The following FLI1 variants were observed in gnomAD, a reference collection of about 807,000 sequenced individuals.
The protein encoded by FLI1 is Friend leukemia integration 1 transcription factor.
FLI1 carries 13 observed loss-of-function variants against 53.1 expected under a neutral mutation model. That is an observed-to-expected ratio of 0.24 (90% CI 0.16 to 0.39). The LOEUF is 0.39. Ranked by LOEUF, FLI1 falls within the 10% of genes least tolerant of loss-of-function variation. The probability of loss-of-function intolerance (pLI) is 1.00; values close to 1 mark genes in which losing one functional copy is unlikely to be tolerated. For missense variants in FLI1, 424 were observed against 600.5 expected (o/e 0.71, Z 3.07); for synonymous variants, 244 against 236.7 (o/e 1.03, Z -0.28).
chr11:128,809,853 G>A (rs1464202372), intron 8 of FLI1, among the ~76,000 whole-genome samples: 1 of 152,132 alleles, frequency 6.6e-6, no homozygotes, highest in Middle Eastern at 3.2e-3. Context: ...TGCCAGAGGA[G>A]AAAGCAGCCA....
chr11:128,713,742 C>T (rs912225922), intron 1 of FLI1, among the ~76,000 whole-genome samples: 7 of 152,104 alleles, frequency 4.6e-5, no homozygotes, highest in South Asian at 4.1e-4. Flanking sequence ...TCAAAGGCTT[C>T]CTTAAGGAAG....
chr11:128,738,759 G>A (rs145369734), intron 1 of FLI1, among the ~76,000 whole-genome samples: 288 of 152,300 alleles, frequency 1.9e-3, no homozygotes, highest in African/African-American at 6.4e-3. Context: ...AGGTGTCGTC[G>A]TTATTAGTGT....
intron 1 of FLI1, among the ~76,000 whole-genome samples, chr11:128,743,314 A>C (rs555508704): frequency 6.6e-5 from 10 of 150,394 alleles, no homozygotes; most frequent in Admixed American, 3.3e-4. Flanking sequence ...CTGAGGTAGG[A>C]GGATTCCTTG....
At chr11:128,686,770 CT>C in intron 1 of FLI1, 2 of 286,054 alleles carry the variant, frequency 7.0e-6, no homozygotes, top group Non-Finnish European at 1.4e-5. Context: ...CCTATGGTCC[CT>C]TTTCCCTTTC....
chr11:128,764,897 G>T, intron 2 of FLI1: 1 of 1,484,364 alleles, frequency 6.7e-7, no homozygotes, highest in Non-Finnish European at 9.1e-7. Context: ...CCAGGATGGT[G>T]CCAGCCCTTC....
intron 1 of FLI1, among the ~76,000 whole-genome samples, chr11:128,696,336 A>C (rs1482055248): frequency 6.6e-6 from 1 of 152,162 alleles, no homozygotes; most frequent in Admixed American, 6.5e-5. Context: ...GTTGGTGTTT[A>C]AGTTGTGTGA....
At chr11:128,697,547 T>C (rs1484199419) in intron 1 of FLI1, among the ~76,000 whole-genome samples, 1 of 152,158 alleles carries the variant, frequency 6.6e-6, no homozygotes. Context: ...TTCATGTGCC[T>C]TATAGCAAGG....
chr11:128,688,571 C>A (rs1329137717), intron 1 of FLI1, among the ~76,000 whole-genome samples: 1 of 152,072 alleles, frequency 6.6e-6, no homozygotes, highest in African/African-American at 2.4e-5. Context: ...CAGGCCCAGG[C>A]GCCCAGGCCC....
At chr11:128,764,915 G>T in intron 2 of FLI1, 1 of 1,358,154 alleles carries the variant, frequency 7.4e-7, no homozygotes, top group Non-Finnish European at 1.0e-6. Flanking sequence ...TTCTCCCTAA[G>T]GACACCCGCC....
intron 8 of FLI1, among the ~76,000 whole-genome samples, chr11:128,809,481 G>A (rs964509218): frequency 2.0e-5 from 3 of 151,986 alleles, no homozygotes; most frequent in Non-Finnish European, 4.4e-5. Flanking sequence ...GGCACAGGTA[G>A]GTAGGCGTTT....
chr11:128,770,545 A>G (rs1224158073), intron 3 of FLI1, among the ~76,000 whole-genome samples: 1 of 152,244 alleles, frequency 6.6e-6, no homozygotes, highest in Non-Finnish European at 1.5e-5. Context: ...CAGGAAATGC[A>G]TTTGGAAGAG....
chr11:128,788,257 G>A, intron 5 of FLI1, among the ~76,000 whole-genome samples: 1 of 151,962 alleles, frequency 6.6e-6, no homozygotes, highest in East Asian at 1.9e-4. Flanking sequence ...ACCACCTGAG[G>A]TCAGAAGTTC....
chr11:128,709,796 A>G (rs1056202671), intron 1 of FLI1, among the ~76,000 whole-genome samples: 1 of 152,136 alleles, frequency 6.6e-6, no homozygotes, highest in Non-Finnish European at 1.5e-5. Flanking sequence ...CACCTCTTCT[A>G]TTATCTTCCC....
chr11:128,697,636 A>G (rs1020629580), intron 1 of FLI1, among the ~76,000 whole-genome samples: 3 of 152,242 alleles, frequency 2.0e-5, no homozygotes, highest in African/African-American at 7.2e-5. Flanking sequence ...ATAATGTTTT[A>G]AAGCCTGCCA....
At chr11:128,769,358 A>G (rs947095739) in intron 3 of FLI1, among the ~76,000 whole-genome samples, 1 of 152,390 alleles carries the variant, frequency 6.6e-6, no homozygotes, top group Non-Finnish European at 1.5e-5. Flanking sequence ...TAACTTTACC[A>G]GAGAGGCAAA....
upstream of FLI1, chr11:128,686,430 G>A (rs1449370258): frequency 2.2e-6 from 1 of 456,288 alleles, no homozygotes; most frequent in Non-Finnish European, 4.4e-6. Context: ...CCGTCCCCTG[G>A]CCTGAAGCCC....
At position 128,810,772 on chromosome 11, in the gene FLI1, C is replaced by T; in HGVS notation, c.1143C>T (p.Tyr381=). The T allele has an allele frequency of 6.2e-7, 1 of 1,614,074 alleles. No homozygotes were observed. The stretch of plus-strand genomic sequence containing the variant: ...CGACCGAGTCGTCCATGTACAAGTA[C>T]CCTTCTGACATCTCCTACATGCCTT... ...PHPTESSMYK[Y]PSDISYMPSY... Residue 381 remains tyrosine (Y), a synonymous_variant, in exon 9 of 9, where the codon TAC becomes TAT. Coordinates refer to ENST00000527786, the MANE Select transcript of FLI1 (RefSeq NM_002017.5). The surrounding 1 kb of genome is among the most constrained non-coding windows in gnomAD (Gnocchi z 6.6).
At chr11:128,745,629 C>T (rs988953587) in intron 1 of FLI1, among the ~76,000 whole-genome samples, 1 of 152,204 alleles carries the variant, frequency 6.6e-6, no homozygotes, top group East Asian at 1.9e-4. Context: ...TCAGGGTCTC[C>T]CCTGTCCCCA....
intron 4 of FLI1, among the ~76,000 whole-genome samples, chr11:128,776,925 C>G (rs1178914300): frequency 6.6e-6 from 1 of 151,004 alleles, no homozygotes; most frequent in East Asian, 1.9e-4. Context: ...CCACTTCCCC[C>G]ACAGCATTTT....
Sources: allele counts gnomAD v4.1 joint callset (sites outside exome capture counted in the v4.1 genomes callset), GRCh38; gene constraint gnomAD v4.1.1; non-coding constraint Gnocchi (gnomAD v3.1); transcripts MANE v1.5; gene names NCBI Gene and HGNC (gene_info 2026-07-23, HGNC 2026-07-21).